Variants in FAT4 observed in about 807,000 individuals in gnomAD.
FAT4 encodes the protein protocadherin Fat 4.
A neutral mutation model predicts 303.9 loss-of-function variants in FAT4; 84 were observed. That is an observed-to-expected ratio of 0.28 (90% confidence interval 0.23 to 0.33). The LOEUF (loss-of-function observed/expected upper bound fraction) is 0.33, where lower values mean the gene tolerates loss of function less well. Among genes scored for constraint, FAT4 ranks in the 10% least tolerant of loss-of-function variants. The probability of loss-of-function intolerance (pLI) is 1.00; values close to 1 mark genes in which losing one functional copy is unlikely to be tolerated. For synonymous variants in FAT4, 2,307 were observed against 2,298.8 expected, an observed-to-expected ratio of 1.00 and a Z score of -0.10; for missense variants, 6,005 against 6,146.8, an observed-to-expected ratio of 0.98 and a Z score of 0.77.
chr4:125,317,687 T>C lies in FAT4; in HGVS notation c.1276T>C (p.Leu426=), dbSNP rs1235926992. 1 of 1,614,048 alleles carries C rather than the reference T, an allele frequency of 6.2e-7. No homozygotes were observed. Among genetic ancestry groups the C allele is most frequent in the Non-Finnish European group, 8.5e-7 (1 of 1,179,992 alleles). The change falls in exon 2 of 18, where the codon TTG becomes CTG. Residue 426 remains leucine, a synonymous_variant. Coordinates refer to ENST00000394329, the MANE Select transcript of FAT4 (RefSeq NM_001291303.3). This position sits in a 1 kb window ranked among gnomAD's most constrained non-coding sequence, Gnocchi z 7.0. ...NLSLIKVASA[L]DRERIPSYNL... ...GAGCCTAATCAAGGTGGCCAGCGCC[T>C]TGGACCGCGAGCGCATCCCTTCCTA...
intron 2 of FAT4, among the ~76,000 whole-genome samples, chr4:125,359,884 G>A (rs1234660837): frequency 1.3e-5 from 2 of 152,060 alleles, no homozygotes; most frequent in Non-Finnish European, 2.9e-5. Context: ...CTCCAGCCTG[G>A]ATCTCTGGGA....
chr4:125,489,782 C>T lies in FAT4; in HGVS notation c.13085-119C>T. On this transcript the variant is annotated intron_variant, in intron 17 of 17. Transcript: ENST00000394329. ...GTTCTGAGACTGAGGTTTCTGTATT[C>T]ATGTATTCATATGAGGTGATTGTGG... The T allele has an allele frequency of 2.7e-6, 2 of 741,094 alleles. 1 individual carries two copies. Among genetic ancestry groups the T allele is most frequent in the South Asian group, 4.2e-5 (2 of 47,290 alleles). 45.9% of individuals were successfully genotyped at this position (741,094 alleles called of 1,614,324 possible).
At chr4:125,434,823 G>A (rs1476096204) in intron 8 of FAT4, among the ~76,000 whole-genome samples, 1 of 152,080 alleles carries the variant, frequency 6.6e-6, no homozygotes, top group African/African-American at 2.4e-5. Flanking sequence ...GATCATCTTG[G>A]CCCCCTCTGT....
chr4:125,325,710 G>GT (rs1361318900), intron 2 of FAT4, among the ~76,000 whole-genome samples: 5 of 152,110 alleles, frequency 3.3e-5, no homozygotes, highest in Admixed American at 3.3e-4. Flanking sequence ...AAATTAATAC[G>GT]TTTTTTGTTT....
intron 7 of FAT4, among the ~76,000 whole-genome samples, chr4:125,433,269 T>C (rs1725341816): frequency 6.6e-6 from 1 of 152,200 alleles, no homozygotes; most frequent in African/African-American, 2.4e-5. Flanking sequence ...TAAGTAGAAT[T>C]TAAATGTCAT....
intron 7 of FAT4, among the ~76,000 whole-genome samples, chr4:125,430,031 G>A (rs1340841508): frequency 1.3e-5 from 2 of 152,058 alleles, no homozygotes; most frequent in Non-Finnish European, 2.9e-5. Flanking sequence ...TGAGGGGGGA[G>A]GGAAAGCATT....
intron 7 of FAT4, among the ~76,000 whole-genome samples, chr4:125,431,726 A>G (rs1725289576): frequency 6.6e-6 from 1 of 152,158 alleles, no homozygotes; most frequent in Non-Finnish European, 1.5e-5. Context: ...AAGAGATTAA[A>G]GAACCCTGCA....
intron 10 of FAT4, among the ~76,000 whole-genome samples, chr4:125,453,296 G>T (rs1553927590): frequency 6.6e-6 from 1 of 152,134 alleles, no homozygotes; most frequent in Non-Finnish European, 1.5e-5. Context: ...AATGATTGTT[G>T]TTGATTCTTT....
intron 8 of FAT4, among the ~76,000 whole-genome samples, chr4:125,442,103 T>G (rs1430718029): frequency 2.6e-5 from 4 of 152,200 alleles, no homozygotes; most frequent in Non-Finnish European, 4.4e-5. Flanking sequence ...GCCCATTATA[T>G]AAAAGGTTTG....
intron 2 of FAT4, among the ~76,000 whole-genome samples, chr4:125,352,299 G>C (rs558742228): frequency 6.6e-6 from 1 of 151,392 alleles, no homozygotes; most frequent in African/African-American, 2.4e-5. Flanking sequence ...AAAACCTCAA[G>C]GGCCAGGGAA....
chr4:125,453,974 T>C (rs2126063663), intron 10 of FAT4, among the ~76,000 whole-genome samples: 1 of 152,324 alleles, frequency 6.6e-6, no homozygotes, highest in East Asian at 1.9e-4. Context: ...CAGTGGTTGA[T>C]GTTCCTTCAA....
Position 125,446,247 on chromosome 4 carries a change from A to G in FAT4, c.7200-46A>G, listed in dbSNP as rs577682371. On this transcript the variant is annotated intron_variant, in intron 8 of 17. Transcript: ENST00000394329. Reference sequence around the variant, plus strand: ...TTAATTATAGTAAATAGAAGTTACGATATTAAAACTATATGACATATCCCT... The same window carrying G: ...TTAATTATAGTAAATAGAAGTTACGGTATTAAAACTATATGACATATCCCT... The G allele has an allele frequency of 2.1e-5, 32 of 1,512,862 alleles. No homozygotes were observed. The Admixed American group carries it at 3.8e-4, about 18-fold the overall frequency. The allele number at this position is 1,512,862 out of a possible 1,614,324, so 93.7% of individuals were successfully genotyped here. A position where few individuals can be genotyped will look rare whatever the true frequency, so the allele number is the denominator to read the frequency against.
chr4:125,468,537 G>C lies in FAT4; in HGVS notation c.11931G>C (p.Leu3977Phe), dbSNP rs762984155. The change falls in exon 12 of 18, where the codon TTG becomes TTC. Residue 3977 changes from leucine (L) to phenylalanine (F), a missense_variant. Leu to Phe is a conservative substitution (Grantham distance 22, BLOSUM62 0). Coordinates refer to ENST00000394329, the MANE Select transcript of FAT4 (RefSeq NM_001291303.3). ...GTGTCTTTGGAAAACACTGCGAGTT[G>C]AACAGTTATGGATTTGAGGAGTTAT... ...PFGVFGKHCELNSYGFEELSY... is the reference protein window; with the variant it reads ...PFGVFGKHCEFNSYGFEELSY... The C allele has an allele frequency of 1.9e-6, 3 of 1,593,856 alleles. No homozygotes were observed. Among genetic ancestry groups the C allele is most frequent in the South Asian group, 2.3e-5 (2 of 88,120 alleles).
At chr4:125,326,149 A>T (rs1451585514) in intron 2 of FAT4, among the ~76,000 whole-genome samples, 1 of 152,138 alleles carries the variant, frequency 6.6e-6, no homozygotes, top group African/African-American at 2.4e-5. Context: ...TTCATTAATG[A>T]TTACAAATGA....
At chr4:125,406,335 A>T (rs563295158) in intron 3 of FAT4, among the ~76,000 whole-genome samples, 122 of 152,034 alleles carry the variant, frequency 8.0e-4, no homozygotes, top group Non-Finnish European at 1.6e-3. Flanking sequence ...TAGGCGTTCT[A>T]GTCTGTTTGG....
At chr4:125,384,211 T>G (rs989728103) in intron 2 of FAT4, among the ~76,000 whole-genome samples, 8 of 152,202 alleles carry the variant, frequency 5.3e-5, no homozygotes, top group Admixed American at 5.2e-4. Context: ...ACAAGTCATG[T>G]GATAGCTATA....
At position 125,452,742 on chromosome 4, in the gene FAT4, G is replaced by C. The variant is rs1355134079; in HGVS notation, c.11732G>C (p.Cys3911Ser). 6.2e-7 allele frequency: 1 copy of C among 1,614,072 alleles called. No individual in the cohort carries two copies. The highest frequency in any genetic ancestry group is 8.5e-7 in the Non-Finnish European group (1 of 1,179,986). Reference sequence around the variant, plus strand: ...ATCAATGAGTGCCTGCAGAGTCCTTGCAAGAATGGTGCCATCTGCCAGAAT... The same window carrying C: ...ATCAATGAGTGCCTGCAGAGTCCTTCCAAGAATGGTGCCATCTGCCAGAAT... The part of the protein sequence containing the change: ...RDINECLQSP[C>S]KNGAICQNFP... Residue 3911 changes from cysteine to serine, a missense_variant, in exon 10 of 18, where the codon TGC becomes TCC. Transcript: ENST00000394329.
rs1255295897 is a variant in FAT4 at position 125,315,246 on chromosome 4, G to A, written c.-744G>A. ...GACAGGCGCCGTCCGGAGCTGCGGA[G>A]GGCGTCACTACAGCCCAGCGCCGAC... is the stretch of plus-strand genomic sequence containing the variant. On this transcript the variant is annotated 5_prime_UTR_variant, in exon 1 of 18. Transcript: ENST00000394329. 6.6e-6 allele frequency among the ~76,000 whole-genome samples: 1 copy of A among 152,132 alleles called. No individual in the cohort carries two copies. The highest frequency in any genetic ancestry group is 1.9e-4 in the East Asian group (1 of 5,138).
chr4:125,404,984 T>G (rs367740521), intron 3 of FAT4, among the ~76,000 whole-genome samples: 1 of 151,854 alleles, frequency 6.6e-6, no homozygotes, highest in East Asian at 1.9e-4. Context: ...GGACCAGAAG[T>G]GTCTCAAATT....
Sources: gnomAD v4.1 joint callset for allele counts (sites outside exome capture counted in the v4.1 genomes callset) on GRCh38, gnomAD v4.1.1 for gene constraint, Gnocchi (gnomAD v3.1) non-coding constraint, MANE v1.5 for transcripts, NCBI Gene and HGNC (gene_info 2026-07-23, HGNC 2026-07-21) for gene names.